Variants in ANKMY1 observed in about 807,000 individuals in gnomAD.
The protein encoded by ANKMY1 is ankyrin repeat and MYND domain containing 1.
A neutral mutation model predicts 102.0 loss-of-function variants in ANKMY1; 98 were observed. The observed-to-expected ratio is 0.96, with a 90% CI of 0.82 to 1.14. The LOEUF is 1.14. Among genes scored for constraint, ANKMY1 ranks in the 50% most tolerant of loss-of-function variants. The pLI is 0.00. For missense variants in ANKMY1, 1,330 were observed against 1,347.6 expected, an observed-to-expected ratio of 0.99 and a Z score of 0.20; for synonymous variants, 582 against 559.9, an observed-to-expected ratio of 1.04 and a Z score of -0.56.
chr2:240,496,538 G>C (rs2077292122), intron 15 of ANKMY1, among the ~76,000 whole-genome samples: 1 of 152,068 alleles, frequency 6.6e-6, no homozygotes, highest in African/African-American at 2.4e-5. Flanking sequence ...CCTTGGGGCT[G>C]GATATTACTA....
intron 11 of ANKMY1, among the ~76,000 whole-genome samples, chr2:240,510,501 TC>T (rs994821018): frequency 1.3e-4 from 19 of 151,906 alleles, no homozygotes; most frequent in Admixed American, 1.0e-3. Flanking sequence ...CCTCTGCGAC[TC>T]CTCCTCCCCC....
chr2:240,503,265 G>A (rs553114474), intron 13 of ANKMY1, among the ~76,000 whole-genome samples: 28 of 152,314 alleles, frequency 1.8e-4, no homozygotes, highest in African/African-American at 6.0e-4. Flanking sequence ...GAAATTTGGG[G>A]CCCCATATCT....
intron 15 of ANKMY1, among the ~76,000 whole-genome samples, chr2:240,498,177 T>C (rs1054566093): frequency 6.7e-6 from 1 of 149,876 alleles, no homozygotes; most frequent in Admixed American, 6.6e-5. Context: ...GAGGTTAGTA[T>C]GTTTGTGTTG....
At chr2:240,551,900 C>A (rs1173261592) in intron 4 of ANKMY1, among the ~76,000 whole-genome samples, 2 of 152,198 alleles carry the variant, frequency 1.3e-5, no homozygotes, top group Non-Finnish European at 2.9e-5. Flanking sequence ...ATCTGAGTTT[C>A]TTCCTCAGGA....
intron 5 of ANKMY1, among the ~76,000 whole-genome samples, chr2:240,528,747 C>G (rs888436629): frequency 1.3e-5 from 2 of 152,196 alleles, no homozygotes; most frequent in Non-Finnish European, 1.5e-5. Flanking sequence ...GTTCACCAAA[C>G]CACCTTCTGA....
chr2:240,551,115 A>G (rs935538358), intron 4 of ANKMY1, among the ~76,000 whole-genome samples: 1 of 151,688 alleles, frequency 6.6e-6, no homozygotes, highest in Non-Finnish European at 1.5e-5. Flanking sequence ...AGCTGACTGC[A>G]TGGACTCAGC....
In ANKMY1 at chr2:240,541,436, T is replaced by C. The variant is rs2088764764; in HGVS notation, c.480+11478A>G. Among the ~76,000 whole-genome samples the C allele has an allele frequency of 2.0e-5, 3 of 152,178 alleles. No individual in the cohort carries two copies. In the South Asian group the frequency reaches 6.2e-4, roughly 31 times the overall value. On this transcript the variant is annotated intron_variant, in intron 4 of 17. Coordinates refer to ENST00000401804, the MANE Select transcript of ANKMY1 (RefSeq NM_001282771.3). ...AATACTTTTTGGCCCCAATATTCTT[T>C]GGAATTCAGAGTTTGCTGTTCAATG...
chr2:240,506,419 A>G lies in ANKMY1; in HGVS notation c.2526+1141T>C, dbSNP rs969685423. Among the ~76,000 whole-genome samples, 5 of 152,198 alleles carry G rather than the reference A, an allele frequency of 3.3e-5. No individual in the cohort carries two copies. The highest frequency in any genetic ancestry group is 4.8e-5 in the African/African-American group (2 of 41,450). ...TGTTTCATTCCATCCTCTGCCGCCT[A>G]TGGAAAACTGACTTCTGCGTCCTCA... On this transcript the variant is annotated intron_variant, in intron 13 of 17. Transcript: ENST00000401804. This position sits in a 1 kb window ranked among gnomAD's most constrained non-coding sequence, Gnocchi z 4.9.
chr2:240,530,912 CAATA>C (rs1399427549), intron 4 of ANKMY1, among the ~76,000 whole-genome samples: 1 of 147,854 alleles, frequency 6.8e-6, no homozygotes, highest in Admixed American at 6.8e-5. Flanking sequence ...GACCCTGTCT[CAATA>C]AATACATAAA....
intron 13 of ANKMY1, among the ~76,000 whole-genome samples, chr2:240,501,079 G>A (rs1051604977): frequency 6.6e-6 from 1 of 151,582 alleles, no homozygotes; most frequent in Non-Finnish European, 1.5e-5. Context: ...TGGGTGGCTG[G>A]GTGTGTGCCT....
At chr2:240,501,379 C>G (rs2152051272) in intron 13 of ANKMY1, among the ~76,000 whole-genome samples, 1 of 152,268 alleles carries the variant, frequency 6.6e-6, no homozygotes, top group South Asian at 2.1e-4. Flanking sequence ...GTCTCTGGCT[C>G]AATAGGTACA....
At chr2:240,551,250 T>TTC (rs2091472273) in intron 4 of ANKMY1, among the ~76,000 whole-genome samples, 1 of 152,178 alleles carries the variant, frequency 6.6e-6, no homozygotes, top group Non-Finnish European at 1.5e-5. Flanking sequence ...AAATATACTT[T>TTC]AAGTGTACTG....
In ANKMY1 at chr2:240,525,609, G is replaced by A. The variant is rs981454657; in HGVS notation, c.1335+76C>T. ...AGCCTGGTCCACACAGGAGGGAGGA[G>A]GCTTGGTGGACATTTACAGAGACAG... is the stretch of plus-strand genomic sequence containing the variant. On this transcript the variant is annotated intron_variant, in intron 7 of 17. Coordinates refer to ENST00000401804, the MANE Select transcript of ANKMY1 (RefSeq NM_001282771.3). 3.3e-6 allele frequency: 5 copies of A among 1,511,412 alleles called. No homozygotes were observed. The East Asian group carries it at 7.1e-5, about 22-fold the overall frequency. 93.6% of individuals were successfully genotyped at this position (1,511,412 alleles called of 1,614,324 possible). A position where few individuals can be genotyped will look rare whatever the true frequency, so the allele number is the denominator to read the frequency against.
intron 9 of ANKMY1, among the ~76,000 whole-genome samples, chr2:240,517,217 G>A (rs2081352527): frequency 6.6e-6 from 1 of 152,198 alleles, no homozygotes; most frequent in Non-Finnish European, 1.5e-5. Flanking sequence ...AGATTGCTTT[G>A]AGAAATTGAG....
intron 4 of ANKMY1, among the ~76,000 whole-genome samples, chr2:240,536,188 G>GA (rs1214563010): frequency 6.6e-6 from 1 of 152,142 alleles, no homozygotes; most frequent in Non-Finnish European, 1.5e-5. Context: ...TTGGATTACA[G>GA]AGCCATGCTT....
At chr2:240,480,454 T>C (rs2075247422) in intron 17 of ANKMY1, among the ~76,000 whole-genome samples, 1 of 152,220 alleles carries the variant, frequency 6.6e-6, no homozygotes, top group Non-Finnish European at 1.5e-5. Flanking sequence ...AGAGTGTTTC[T>C]AGAAGCAGAC....
intron 15 of ANKMY1, among the ~76,000 whole-genome samples, chr2:240,486,456 A>G (rs186052609): frequency 2.0e-5 from 3 of 152,358 alleles, no homozygotes; most frequent in East Asian, 1.9e-4. Flanking sequence ...AACTTTTCCA[A>G]TGCTCTTTGT....
chr2:240,541,542 G>T (rs186120562), intron 4 of ANKMY1, among the ~76,000 whole-genome samples: 1 of 126,928 alleles, frequency 7.9e-6, no homozygotes, highest in East Asian at 2.4e-4. Context: ...TCTCACTCTC[G>T]CCCAGGCTGG....
At chr2:240,539,173 C>G (rs1379236692) in intron 4 of ANKMY1, among the ~76,000 whole-genome samples, 1 of 152,244 alleles carries the variant, frequency 6.6e-6, no homozygotes, top group Non-Finnish European at 1.5e-5. Flanking sequence ...ATACATCTTT[C>G]TGCTGCTCAC....
Sources: allele counts gnomAD v4.1 joint callset (sites outside exome capture counted in the v4.1 genomes callset), GRCh38; gene constraint gnomAD v4.1.1; non-coding constraint Gnocchi (gnomAD v3.1); transcripts MANE v1.5; gene names NCBI Gene and HGNC (gene_info 2026-07-23, HGNC 2026-07-21).